The following PLD5 variants were observed in gnomAD, a reference collection of about 807,000 sequenced individuals.
The protein encoded by PLD5 is inactive phospholipase D5.
PLD5 carries 36 observed loss-of-function variants against 61.1 expected under a neutral mutation model. The observed-to-expected ratio is 0.59, with a 90% CI of 0.45 to 0.78. The LOEUF is 0.78. PLD5 is among the 30% of genes least tolerant of loss of function. The pLI is 0.00. For missense variants in PLD5, 515 were observed against 644.4 expected (o/e 0.80, Z 2.17); for synonymous variants, 243 against 242.8 (o/e 1.00, Z -0.01).
chr1:242,262,185 A>T (rs964152300), intron 4 of PLD5, among the ~76,000 whole-genome samples: 1 of 152,242 alleles, frequency 6.6e-6, no homozygotes, highest in African/African-American at 2.4e-5. Flanking sequence ...TCTTATAAAC[A>T]TAAAACTCAG....
At chr1:242,337,745 C>T (rs1269013684) in intron 2 of PLD5, among the ~76,000 whole-genome samples, 2 of 152,144 alleles carry the variant, frequency 1.3e-5, no homozygotes, top group Non-Finnish European at 1.5e-5. Flanking sequence ...AAGAAAACTT[C>T]TCATCAGTTT....
chr1:242,251,715 G>T (rs1672716203), intron 4 of PLD5, among the ~76,000 whole-genome samples: 1 of 152,096 alleles, frequency 6.6e-6, no homozygotes, highest in Non-Finnish European at 1.5e-5. Flanking sequence ...ATTGACTTGA[G>T]TGTGTTTATA....
intron 1 of PLD5, among the ~76,000 whole-genome samples, chr1:242,521,670 T>TTAATTATTAATTTATTTTTTCA (rs1553272524): frequency 2.0e-5 from 3 of 152,178 alleles, no homozygotes; most frequent in African/African-American, 4.8e-5. Flanking sequence ...TCCATTTGAT[T>TTAATTATTAATTTATTTTTTCA]AGACAGACCA....
chr1:242,452,324 A>C (rs1468675236), intron 1 of PLD5, among the ~76,000 whole-genome samples: 1 of 152,116 alleles, frequency 6.6e-6, no homozygotes, highest in Non-Finnish European at 1.5e-5. Context: ...GATATGAAAA[A>C]TTGTTTGGCA....
chr1:242,434,642 C>G (rs1023679614), intron 1 of PLD5, among the ~76,000 whole-genome samples: 5 of 152,064 alleles, frequency 3.3e-5, no homozygotes, highest in Non-Finnish European at 7.4e-5. Flanking sequence ...GAGATGGAGT[C>G]TCACTGTGTC....
At chr1:242,306,594 G>A (rs942665421) in intron 2 of PLD5, among the ~76,000 whole-genome samples, 31 of 139,742 alleles carry the variant, frequency 2.2e-4, no homozygotes, top group African/African-American at 8.2e-4. Flanking sequence ...AGAAGCATTT[G>A]CTAAGATAAA....
chr1:242,207,999 C>T (rs1574518005), intron 5 of PLD5, among the ~76,000 whole-genome samples: 1 of 127,814 alleles, frequency 7.8e-6, no homozygotes, highest in African/African-American at 3.3e-5. Context: ...TATACACACA[C>T]ACACACACAC....
chr1:242,206,589 G>A (rs1669328386), intron 5 of PLD5, among the ~76,000 whole-genome samples: 1 of 152,328 alleles, frequency 6.6e-6, no homozygotes, highest in South Asian at 2.1e-4. Flanking sequence ...TGCATGTACT[G>A]TGTATTAGAT....
intron 5 of PLD5, among the ~76,000 whole-genome samples, chr1:242,156,639 G>A (rs1665392486): frequency 6.6e-6 from 1 of 152,058 alleles, no homozygotes; most frequent in South Asian, 2.1e-4. Context: ...ATGAAATTCT[G>A]GGTTGAAAAT....
chr1:242,247,030 C>T (rs537672193), intron 4 of PLD5, among the ~76,000 whole-genome samples: 2 of 147,018 alleles, frequency 1.4e-5, no homozygotes, highest in African/African-American at 2.6e-5. Flanking sequence ...GTCGCCCAGG[C>T]TGGAGTGCAG....
At chr1:242,430,393 C>A (rs1038544337) in intron 1 of PLD5, among the ~76,000 whole-genome samples, 5 of 152,248 alleles carry the variant, frequency 3.3e-5, no homozygotes, top group African/African-American at 1.2e-4. Context: ...TCTTCCTCCT[C>A]TTGTAAGAGC....
chr1:242,259,137 A>T (rs183780267), intron 4 of PLD5, among the ~76,000 whole-genome samples: 3 of 152,284 alleles, frequency 2.0e-5, no homozygotes, highest in Admixed American at 2.0e-4. Context: ...GGAAAATACT[A>T]TGTGTAAGGC....
chr1:242,326,318 G>A (rs183500077), intron 2 of PLD5, among the ~76,000 whole-genome samples: 11 of 151,740 alleles, frequency 7.2e-5, no homozygotes, highest in Non-Finnish European at 1.5e-4. Context: ...AAGGTACTGC[G>A]GCTGCTAAGT....
chr1:242,122,655 T>C lies in PLD5; in HGVS notation c.933+1813A>G, dbSNP rs114307773. ...TATTTATTCGTAAAATGCCCTATAA[T>C]ATGCTACTTGCTACTCCATTCTTGA... is the stretch of plus-strand genomic sequence containing the variant. On this transcript the variant is annotated intron_variant, in intron 6 of 9. Transcript: ENST00000536534. Among the ~76,000 whole-genome samples the C allele has an allele frequency of 4.6e-3, 703 of 152,338 alleles. 4 individuals are homozygous for C. The highest frequency in any genetic ancestry group is 0.016 in the African/African-American group (668 of 41,566).
intron 1 of PLD5, among the ~76,000 whole-genome samples, chr1:242,509,853 G>A (rs528066875): frequency 1.2e-4 from 18 of 152,276 alleles, no homozygotes; most frequent in African/African-American, 3.6e-4. Context: ...GCAGCACCAC[G>A]AGCAGGCTGA....
chr1:242,444,671 A>G (rs1329038929), intron 1 of PLD5, among the ~76,000 whole-genome samples: 2 of 154 alleles, frequency 0.013, no homozygotes, highest in Non-Finnish European at 0.014. Flanking sequence ...ATTATACTAT[A>G]CATAATATAA....
intron 4 of PLD5, among the ~76,000 whole-genome samples, chr1:242,248,287 G>A (rs367834542): frequency 1.3e-5 from 2 of 152,090 alleles, no homozygotes; most frequent in African/African-American, 2.4e-5. Flanking sequence ...TCTTGAAACC[G>A]CTTACTATTG....
chr1:242,190,085 C>A (rs1038032187), intron 5 of PLD5, among the ~76,000 whole-genome samples: 2 of 149,676 alleles, frequency 1.3e-5, no homozygotes, highest in Non-Finnish European at 3.0e-5. Flanking sequence ...GAAGGACCTT[C>A]ACTAAGGTCC....
rs1669303379 is a variant in PLD5, at chr1:242,522,237, A to C, written c.189+1851T>G. Among the ~76,000 whole-genome samples, 3 of 152,218 alleles carry C rather than the reference A, an allele frequency of 2.0e-5. No homozygotes were observed. In the South Asian group the frequency reaches 6.2e-4, roughly 32 times the overall value. On this transcript the variant is annotated intron_variant, in intron 1 of 9. Coordinates refer to ENST00000536534, the MANE Select transcript of PLD5 (RefSeq NM_001372062.1). ...GAATGATTTTTTTAAAAATGTATGC[A>C]ATGCTCTCTTTTGGAGTATCTGAGT...
Sources: allele counts gnomAD v4.1 joint callset (sites outside exome capture counted in the v4.1 genomes callset), GRCh38; gene constraint gnomAD v4.1.1; transcripts MANE v1.5; gene names NCBI Gene and HGNC (gene_info 2026-07-23, HGNC 2026-07-21).